SOX5: variants seen among roughly 807,000 people sequenced by gnomAD.
SOX5 encodes the protein transcription factor SOX-5.
A neutral mutation model predicts 92.0 loss-of-function variants in SOX5; 9 were observed. The ratio of observed to expected loss-of-function variants is 0.10; its 90% confidence interval spans 0.06 to 0.17. SOX5 has a LOEUF of 0.17. Ranked by LOEUF, SOX5 falls within the 10% of genes least tolerant of loss-of-function variation. SOX5 has a pLI of 1.00. For missense variants in SOX5, 642 were observed against 944.5 expected, an observed-to-expected ratio of 0.68 and a Z score of 4.20; for synonymous variants, 344 against 336.3, an observed-to-expected ratio of 1.02 and a Z score of -0.25.
In SOX5 at chr12:23,534,128, T is replaced by C; in HGVS notation, c.*91A>G. On this transcript the variant is annotated 3_prime_UTR_variant, in exon 15 of 15. Coordinates refer to ENST00000451604, the MANE Select transcript of SOX5 (RefSeq NM_006940.6). ...CTAACAGTTAAAGTAACAGTCAGTG[T>C]ATGAGAAAGTTAATGTGCTTGGCCA... 1 of 1,005,154 alleles carries C rather than the reference T, an allele frequency of 9.9e-7. No individual in the cohort carries two copies. Among genetic ancestry groups the C allele is most frequent in the Non-Finnish European group, 1.5e-6 (1 of 656,178 alleles). The allele number at this position is 1,005,154 out of a possible 1,614,324, so 62.3% of individuals were successfully genotyped here.
rs552578882 is a variant in SOX5 at position 23,700,586 on chromosome 12, G to A, written c.810+34098C>T. Among the ~76,000 whole-genome samples, 10 of 151,968 alleles carry A rather than the reference G, an allele frequency of 6.6e-5. No homozygotes were observed. In the South Asian group the frequency reaches 1.5e-3, roughly 22 times the overall value. On this transcript the variant is annotated intron_variant, in intron 6 of 14. Coordinates refer to ENST00000451604, the MANE Select transcript of SOX5 (RefSeq NM_006940.6). ...AAAAGCTGACCATACTCTCCTGGTC[G>A]TGACTCTCAAAAACTCTTTCCCTTG...
intron 4 of SOX5, among the ~76,000 whole-genome samples, chr12:24,208,359 A>G (rs1958240453): frequency 6.6e-6 from 1 of 152,206 alleles, no homozygotes; most frequent in Admixed American, 6.5e-5. Context: ...AGGACAAACC[A>G]CTTAGCATAA....
At chr12:24,507,796 A>G (rs1480969503) in intron 1 of SOX5, among the ~76,000 whole-genome samples, 2 of 152,208 alleles carry the variant, frequency 1.3e-5, no homozygotes, top group Non-Finnish European at 2.9e-5. Context: ...AAAAAATTAA[A>G]GGAGAGGATG....
chr12:24,087,755 G>A (rs1321401005), intron 4 of SOX5, among the ~76,000 whole-genome samples: 1 of 144,176 alleles, frequency 6.9e-6, no homozygotes, highest in African/African-American at 2.5e-5. Context: ...TTTTCTAGGA[G>A]CAGATTGTTA....
chr12:23,912,027 G>C (rs774830284), intron 1 of SOX5, among the ~76,000 whole-genome samples: 8 of 151,988 alleles, frequency 5.3e-5, no homozygotes, highest in Non-Finnish European at 8.8e-5. Flanking sequence ...CAAAGAATGG[G>C]AGAAAATACT....
chr12:23,671,910 T>C (rs985909289), intron 6 of SOX5, among the ~76,000 whole-genome samples: 3 of 152,140 alleles, frequency 2.0e-5, no homozygotes, highest in African/African-American at 7.2e-5. Flanking sequence ...ATTTTTTACA[T>C]AGTACTCTTC....
intron 2 of SOX5, among the ~76,000 whole-genome samples, chr12:24,295,586 T>A (rs970208182): frequency 6.6e-6 from 1 of 152,238 alleles, no homozygotes; most frequent in Non-Finnish European, 1.5e-5. Flanking sequence ...TTGTTTGGAA[T>A]GGAGTCTTGC....
chr12:23,974,698 G>C (rs779620068), intron 4 of SOX5, among the ~76,000 whole-genome samples: 11 of 152,078 alleles, frequency 7.2e-5, no homozygotes, highest in Admixed American at 5.9e-4. Context: ...GAAAATATAA[G>C]GGAAAATTCA....
chr12:23,969,243 G>A (rs946312645), intron 4 of SOX5, among the ~76,000 whole-genome samples: 2 of 152,030 alleles, frequency 1.3e-5, no homozygotes, highest in Non-Finnish European at 2.9e-5. Context: ...CACTGTAAAA[G>A]TCCAAAGCAT....
chr12:23,666,414 G>A (rs995755702), intron 6 of SOX5, among the ~76,000 whole-genome samples: 20 of 152,210 alleles, frequency 1.3e-4, no homozygotes, highest in African/African-American at 3.6e-4. Flanking sequence ...TGTTTGAGCC[G>A]AAAAGGAATT....
intron 4 of SOX5, among the ~76,000 whole-genome samples, chr12:24,212,267 A>C (rs1294795494): frequency 6.6e-6 from 1 of 152,254 alleles, no homozygotes; most frequent in Non-Finnish European, 1.5e-5. Flanking sequence ...CCTAATGTTC[A>C]TGCTAAAACA....
At chr12:24,017,717 T>G (rs959889014) in intron 4 of SOX5, among the ~76,000 whole-genome samples, 62 of 152,192 alleles carry the variant, frequency 4.1e-4, no homozygotes, top group African/African-American at 1.5e-3. Context: ...CTTAACCCTA[T>G]GCAAGAATCT....
intron 2 of SOX5, among the ~76,000 whole-genome samples, chr12:24,345,497 C>G (rs1953119667): frequency 6.6e-6 from 1 of 152,164 alleles, no homozygotes; most frequent in African/African-American, 2.4e-5. Context: ...TCAGATGGAT[C>G]TTCCAAACTA....
chr12:24,276,789 T>C (rs993634877), intron 3 of SOX5, among the ~76,000 whole-genome samples: 1 of 152,138 alleles, frequency 6.6e-6, no homozygotes, highest in African/African-American at 2.4e-5. Context: ...AATCATACCC[T>C]GGAATACTTA....
chr12:23,909,890 T>G (rs954134843), intron 1 of SOX5, among the ~76,000 whole-genome samples: 1 of 152,048 alleles, frequency 6.6e-6, no homozygotes, highest in African/African-American at 2.4e-5. Flanking sequence ...TGAAAGACCT[T>G]TGTGTTCCAA....
rs76547430 is a variant in SOX5, at chr12:23,931,907, C to T, written c.38+17657G>A. Among the ~76,000 whole-genome samples the T allele has an allele frequency of 5.4e-4, 82 of 151,628 alleles. 1 individual carries two copies. In the East Asian group the frequency reaches 0.01, roughly 19 times the overall value. ...AAAAAATGGTATTCATGGCTATCTT[C>T]AGAGTAGACATTATGAATATGTGGT... On this transcript the variant is annotated intron_variant, in intron 1 of 14. Coordinates refer to ENST00000451604, the MANE Select transcript of SOX5 (RefSeq NM_006940.6).
At chr12:24,258,493 T>C (rs1025265802) in intron 3 of SOX5, among the ~76,000 whole-genome samples, 3 of 152,198 alleles carry the variant, frequency 2.0e-5, no homozygotes, top group Non-Finnish European at 2.9e-5. Flanking sequence ...AACAACACTC[T>C]TAATAATAAT....
chr12:23,899,543 G>C (rs965583620), intron 1 of SOX5, among the ~76,000 whole-genome samples: 3 of 152,062 alleles, frequency 2.0e-5, no homozygotes, highest in Non-Finnish European at 4.4e-5. Context: ...TTATCCTTTA[G>C]AGATGATTTT....
intron 3 of SOX5, among the ~76,000 whole-genome samples, chr12:24,276,937 C>T (rs1367706624): frequency 6.6e-6 from 1 of 151,912 alleles, no homozygotes; most frequent in Non-Finnish European, 1.5e-5. Flanking sequence ...TTCACAACTT[C>T]AGAAAAAGTG....
Sources: allele counts gnomAD v4.1 joint callset (sites outside exome capture counted in the v4.1 genomes callset), GRCh38; gene constraint gnomAD v4.1.1; transcripts MANE v1.5; gene names NCBI Gene and HGNC (gene_info 2026-07-23, HGNC 2026-07-21).